The following TENM2 variants were observed in gnomAD, a reference collection of about 807,000 sequenced individuals.
TENM2 encodes teneurin-2.
TENM2 carries 52 observed loss-of-function variants against 245.2 expected under a neutral mutation model. That is an observed-to-expected ratio of 0.21 (90% CI 0.17 to 0.27). The LOEUF (loss-of-function observed/expected upper bound fraction) is 0.27, where lower values mean the gene tolerates loss of function less well. TENM2 is among the 10% of genes least tolerant of loss of function. The probability of loss-of-function intolerance (pLI) is 1.00; values close to 1 mark genes in which losing one functional copy is unlikely to be tolerated. For missense variants in TENM2, 3,046 were observed against 3,666.8 expected, an observed-to-expected ratio of 0.83 and a Z score of 4.37; for synonymous variants, 1,363 against 1,438.9, an observed-to-expected ratio of 0.95 and a Z score of 1.19.
chr5:167,777,041 C>T (rs1341449715), intron 2 of TENM2, among the ~76,000 whole-genome samples: 2 of 152,166 alleles, frequency 1.3e-5, no homozygotes, highest in African/African-American at 4.8e-5. Context: ...TAAAACAAAA[C>T]TGGCATAAAT....
At chr5:167,695,295 TAGCACTAAAGC>T (rs1462519883) in intron 2 of TENM2, among the ~76,000 whole-genome samples, 1 of 152,224 alleles carries the variant, frequency 6.6e-6, no homozygotes, top group East Asian at 1.9e-4. Flanking sequence ...TCAGCCATTT[TAGCACTAAAGC>T]AGCTGTAGGT....
the TENM2 span, among the ~76,000 whole-genome samples, chr5:167,000,257 A>G: frequency 0.31 from 47,197 of 152,110 alleles, 9,432 homozygotes; most frequent in African/African-American, 0.56. Flanking sequence ...AACAGAAATT[A>G]GAAAGATCAA....
chr5:168,123,538 A>C (rs944776738), intron 10 of TENM2, among the ~76,000 whole-genome samples: 3 of 152,240 alleles, frequency 2.0e-5, no homozygotes, highest in African/African-American at 7.2e-5. Context: ...GACGGTACGC[A>C]TACACAGGAA....
intron 2 of TENM2, among the ~76,000 whole-genome samples, chr5:167,579,018 A>C (rs1774902724): frequency 1.3e-5 from 2 of 152,150 alleles, no homozygotes; most frequent in South Asian, 4.1e-4. Flanking sequence ...TCAAAACCAA[A>C]CTGTAGATGA....
the TENM2 span, among the ~76,000 whole-genome samples, chr5:167,063,536 G>T: frequency 6.6e-6 from 1 of 152,082 alleles, no homozygotes; most frequent in East Asian, 1.9e-4. Flanking sequence ...TTAGGCCAGG[G>T]GTGGGGGAAT....
chr5:167,173,533 G>A, the TENM2 span, among the ~76,000 whole-genome samples: 1 of 152,226 alleles, frequency 6.6e-6, no homozygotes, highest in African/African-American at 2.4e-5. Context: ...GTGGGCTGGA[G>A]GAAGCAAAGA....
chr5:168,156,052 C>T (rs887203191), intron 12 of TENM2, among the ~76,000 whole-genome samples: 5 of 151,978 alleles, frequency 3.3e-5, no homozygotes, highest in Admixed American at 1.3e-4. Context: ...GCAAAACTTT[C>T]TGCCTTTCTG....
the TENM2 span, among the ~76,000 whole-genome samples, chr5:167,209,268 AT>A: frequency 0.033 from 4,839 of 146,318 alleles, 124 homozygotes; most frequent in Non-Finnish European, 0.049. Flanking sequence ...ATTTTTAGTA[AT>A]TTTTTTTTTT....
chr5:167,792,774 A>G (rs2150905288), intron 2 of TENM2, among the ~76,000 whole-genome samples: 1 of 151,592 alleles, frequency 6.6e-6, no homozygotes, highest in African/African-American at 2.4e-5. Flanking sequence ...CCCAGGAGGT[A>G]CTGTTCTGTT....
chr5:168,147,177 C>T (rs1429649086), intron 12 of TENM2, among the ~76,000 whole-genome samples: 1 of 152,218 alleles, frequency 6.6e-6, no homozygotes, highest in Non-Finnish European at 1.5e-5. Flanking sequence ...CAAAACAATT[C>T]AGAGTTAGCG....
At chr5:168,156,822 C>A (rs1757229751) in intron 12 of TENM2, among the ~76,000 whole-genome samples, 1 of 152,122 alleles carries the variant, frequency 6.6e-6, no homozygotes, top group Non-Finnish European at 1.5e-5. Context: ...TTCATCATTT[C>A]CCCCAACTAC....
At position 167,699,221 on chromosome 5, in the gene TENM2, A is replaced by G. The variant is rs529909987; in HGVS notation, c.503-176765A>G. Among the ~76,000 whole-genome samples, 153 of 152,218 alleles carry G rather than the reference A, an allele frequency of 1.0e-3. 4 individuals carry two copies. In the South Asian group the frequency reaches 0.03, roughly 30 times the overall value. ...AAGAGTATGTCCTGTCCTTAAAATT[A>G]AAATTTGGAAGGATTAATAGTGGCT... On this transcript the variant is annotated intron_variant, in intron 2 of 28. Transcript: ENST00000518659.
chr5:168,108,059 G>A (rs1486387746), intron 9 of TENM2, among the ~76,000 whole-genome samples: 1 of 152,220 alleles, frequency 6.6e-6, no homozygotes, highest in South Asian at 2.1e-4. Flanking sequence ...AATAGAGGAA[G>A]CAAGGCTTAT....
chr5:168,013,048 T>C (rs2152080065), intron 5 of TENM2, among the ~76,000 whole-genome samples: 2 of 152,216 alleles, frequency 1.3e-5, no homozygotes, highest in Middle Eastern at 3.4e-3. Flanking sequence ...AGTGGAGAAA[T>C]ATTCAAATTA....
chr5:168,256,518 C>T (rs546218572), intron 27 of TENM2, among the ~76,000 whole-genome samples: 7 of 151,998 alleles, frequency 4.6e-5, no homozygotes, highest in South Asian at 4.2e-4. Context: ...CTCCACCTCC[C>T]GGGTTCAAGT....
At chr5:167,232,783 C>T in the TENM2 span, among the ~76,000 whole-genome samples, 4 of 152,184 alleles carry the variant, frequency 2.6e-5, no homozygotes, top group Admixed American at 6.5e-5. Context: ...CAAACATGTG[C>T]TGAGTTCCTA....
At chr5:167,764,432 C>T (rs947295666) in intron 2 of TENM2, among the ~76,000 whole-genome samples, 16 of 152,100 alleles carry the variant, frequency 1.1e-4, no homozygotes, top group Admixed American at 5.2e-4. Context: ...CTCCAAGGAG[C>T]GAGAAAGCCT....
At chr5:168,204,469 C>G (rs1379099029) in exon 19 of TENM2, 4 of 1,614,030 alleles carry the variant, frequency 2.5e-6, no homozygotes, top group Non-Finnish European at 3.4e-6. Context: ...GGAGCATTTC[C>G]TGTCCCAGCT....
chr5:168,111,451 G>A (rs1037163452), intron 9 of TENM2, among the ~76,000 whole-genome samples: 2 of 152,150 alleles, frequency 1.3e-5, no homozygotes, highest in African/African-American at 4.8e-5. Context: ...GGGGAGGGCT[G>A]TTCAGGTCAG....
Sources: allele counts gnomAD v4.1 joint callset (sites outside exome capture counted in the v4.1 genomes callset), GRCh38; gene constraint gnomAD v4.1.1; transcripts MANE v1.5; gene names NCBI Gene and HGNC (gene_info 2026-07-23, HGNC 2026-07-21).